Variants in MYLK2 observed in about 807,000 individuals in gnomAD.
MYLK2 encodes the protein myosin light chain kinase 2.
MYLK2 carries 27 observed loss-of-function variants against 58.2 expected under a neutral mutation model. The ratio of observed to expected loss-of-function variants is 0.46; its 90% CI spans 0.34 to 0.64. The LOEUF (loss-of-function observed/expected upper bound fraction) is 0.64, where lower values mean the gene tolerates loss of function less well. Among genes scored for constraint, MYLK2 ranks in the 30% least tolerant of loss-of-function variants. The pLI is 0.01. For synonymous variants in MYLK2, 310 were observed against 296.7 expected (o/e 1.04, Z -0.46); for missense variants, 676 against 764.3 (o/e 0.88, Z 1.36).
rs199854237 is a variant in MYLK2, at chr20:31,820,430, C to A, written c.357C>A (p.Gly119=). 8.1e-6 allele frequency: 13 copies of A among 1,612,806 alleles called. No individual in the cohort carries two copies. The Admixed American group carries it at 2.2e-4, about 27-fold the overall frequency. Residue 119 remains glycine, a synonymous_variant, in exon 3 of 13, where the codon GGC becomes GGA. Transcript: ENST00000375985. ...KKPKAEQGAS[G]SQDPGKPRVG... is the part of the protein sequence containing the mutation. ...CCAAGGCTGAGCAGGGAGCCTCAGG[C>A]AGCCAGGATCCTGGAAAGCCCAGGG...
intron 8 of MYLK2, chr20:31,828,749 G>C: frequency 3.1e-6 from 3 of 983,352 alleles, no homozygotes; most frequent in Non-Finnish European, 3.6e-6. Context: ...CTGAGTGAGG[G>C]TGCCATCTTC....
chr20:31,828,936 G>A (rs2062292706), intron 8 of MYLK2, among the ~76,000 whole-genome samples: 1 of 152,200 alleles, frequency 6.6e-6, no homozygotes, highest in Non-Finnish European at 1.5e-5. Context: ...GGCAGTGGGA[G>A]AGGGGAGGGA....
intron 4 of MYLK2, among the ~76,000 whole-genome samples, chr20:31,822,870 C>T: frequency 6.6e-6 from 1 of 152,190 alleles, no homozygotes; most frequent in Non-Finnish European, 1.5e-5. Flanking sequence ...TGATTTATCA[C>T]CAGCCCGGCT....
At chr20:31,827,547 C>T in intron 8 of MYLK2, 1 of 985,262 alleles carries the variant, frequency 1.0e-6, no homozygotes, top group Non-Finnish European at 1.2e-6. Context: ...GAGATAGAGT[C>T]TCACTCTGTT....
chr20:31,825,497 G>A (rs1283412841), intron 6 of MYLK2, among the ~76,000 whole-genome samples: 1 of 152,134 alleles, frequency 6.6e-6, no homozygotes, highest in Admixed American at 6.5e-5. Context: ...ACAGTGGAGG[G>A]AGAGACAACT....
chr20:31,831,783 A>T lies in MYLK2; in HGVS notation c.1505A>T (p.Asp502Val). The T allele has an allele frequency of 6.2e-7, 1 of 1,614,120 alleles. No homozygotes were observed. Among genetic ancestry groups the T allele is most frequent in the South Asian group, 1.1e-5 (1 of 91,072 alleles). Residue 502 changes from aspartate (D) to valine (V), a missense_variant, in exon 11 of 13, where the codon GAT (aspartate) becomes GTT (valine). By Grantham distance (152) the Asp-to-Val change is radical. Transcript: ENST00000375985. ...NNVLSGNWYFDEETFEAVSDE... is the reference protein window; with the variant it reads ...NNVLSGNWYFVEETFEAVSDE... ...GTTCTATCTGGCAACTGGTACTTTGATGAAGAGACCTTTGAGGCCGTATCA... is the reference window on the plus strand; with the variant it reads ...GTTCTATCTGGCAACTGGTACTTTGTTGAAGAGACCTTTGAGGCCGTATCA...
In MYLK2 at chr20:31,819,516, C is replaced by T. The variant is rs1402154177; in HGVS notation, c.-48-17C>T. ...GGAAATTGGACAGCCTGACACACTCCACTCTTGTTTCTGCAGCTAGAAAGA... is the reference window on the plus strand; with the variant it reads ...GGAAATTGGACAGCCTGACACACTCTACTCTTGTTTCTGCAGCTAGAAAGA... On this transcript the variant is annotated splice_polypyrimidine_tract_variant and intron_variant, in intron 1 of 12. Transcript: ENST00000375985. 3.2e-6 allele frequency: 5 copies of T among 1,545,564 alleles called. No homozygotes were observed. The highest frequency in any genetic ancestry group is 4.4e-6 in the Non-Finnish European group (5 of 1,141,970).
chr20:31,820,483 C>G lies in MYLK2; in HGVS notation c.410C>G (p.Ala137Gly), dbSNP rs1394215124. 6.2e-7 allele frequency: 1 copy of G among 1,609,202 alleles called. No homozygotes were observed. The highest frequency in any genetic ancestry group is 1.7e-5 in the Admixed American group (1 of 60,034). Reference sequence around the variant, plus strand: ...GGCAAGAAGGCAGCAGAGGGCCAAGCAGCAGCCAGGAGGGGCTCACCTGCC... The same window carrying G: ...GGCAAGAAGGCAGCAGAGGGCCAAGGAGCAGCCAGGAGGGGCTCACCTGCC... The part of the protein sequence containing the change: ...RVGKKAAEGQ[A>G]AARRGSPAFL... The change falls in exon 3 of 13, where the codon GCA becomes GGA. Residue 137 changes from alanine to glycine, a missense_variant. Ala to Gly is a moderately conservative substitution (Grantham distance 60, BLOSUM62 0). Coordinates refer to ENST00000375985, the MANE Select transcript of MYLK2 (RefSeq NM_033118.4).
At chr20:31,823,438 C>T in intron 4 of MYLK2, 39 bp from the exon 5 acceptor site, 1 of 1,579,184 alleles carries the variant, frequency 6.3e-7, no homozygotes, top group Non-Finnish European at 8.7e-7. Context: ...CCTCAGCAGC[C>T]CCTGGCACTG....
chr20:31,827,255 G>A (rs1042121947), intron 8 of MYLK2: 2 of 985,350 alleles, frequency 2.0e-6, no homozygotes, highest in African/African-American at 3.5e-5. Context: ...ACACAGACAA[G>A]TGGCTAATAA....
chr20:31,823,014 C>A (rs374690818), intron 4 of MYLK2, among the ~76,000 whole-genome samples: 1 of 152,052 alleles, frequency 6.6e-6, no homozygotes, highest in South Asian at 2.1e-4. Context: ...ACAGCACGGT[C>A]CCCGGTCCCG....
intron 3 of MYLK2, among the ~76,000 whole-genome samples, chr20:31,821,104 A>G (rs1488356865): frequency 2.0e-5 from 3 of 152,012 alleles, no homozygotes; most frequent in African/African-American, 4.8e-5. Context: ...AAGCCACAAT[A>G]AGAACATTTA....
At chr20:31,832,561 C>T (rs1230604894) in intron 12 of MYLK2, among the ~76,000 whole-genome samples, 4 of 152,180 alleles carry the variant, frequency 2.6e-5, no homozygotes, top group South Asian at 2.1e-4. Flanking sequence ...GGCGTGATCT[C>T]GGCCCACTGC....
chr20:31,830,812 T>C lies in MYLK2; in HGVS notation c.1225-7T>C. The C allele has an allele frequency of 6.2e-7, 1 of 1,606,760 alleles. No homozygotes were observed. Among genetic ancestry groups the C allele is most frequent in the Non-Finnish European group, 8.5e-7 (1 of 1,175,964 alleles). On this transcript the variant is annotated splice_polypyrimidine_tract_variant and splice_region_variant and intron_variant, in intron 8 of 12. Coordinates refer to ENST00000375985, the MANE Select transcript of MYLK2 (RefSeq NM_033118.4). ...AGGCCCACCCAGGCCACCCCCTTTC[T>C]CCTCAGCCAGAGAACATCCTGTGTG...
chr20:31,826,920 T>G lies in MYLK2; in HGVS notation c.1206T>G (p.Val402=). ...TCCTCTTCATGCACAAGATGAGGGT[T>G]TTGCACCTGGACCTCAAGGTACCAG... ...DGILFMHKMR[V]LHLDLKPENI... is the part of the protein sequence containing the mutation. The change falls in exon 8 of 13, where the codon GTT becomes GTG. Residue 402 remains valine (V), a synonymous_variant. Coordinates refer to ENST00000375985, the MANE Select transcript of MYLK2 (RefSeq NM_033118.4). 1 of 1,613,928 alleles carries G rather than the reference T, an allele frequency of 6.2e-7. No homozygotes were observed. Among genetic ancestry groups the G allele is most frequent in the Non-Finnish European group, 8.5e-7 (1 of 1,179,972 alleles).
chr20:31,820,690 G>A (rs932526952), intron 3 of MYLK2, 144 bp downstream of exon 3: 41 of 1,084,952 alleles, frequency 3.8e-5, no homozygotes, highest in East Asian at 3.1e-4. Flanking sequence ...TCTGTCCTGT[G>A]AATTGCCTCT....
chr20:31,832,248 G>A, intron 12 of MYLK2, 112 bp downstream of exon 12: 2 of 1,447,052 alleles, frequency 1.4e-6, no homozygotes, highest in South Asian at 1.2e-5. Context: ...ACCAGGCTGG[G>A]CCCTGTCCGG....
At chr20:31,824,053 A>G in intron 5 of MYLK2, 1 of 985,438 alleles carries the variant, frequency 1.0e-6, no homozygotes, top group Non-Finnish European at 1.2e-6. Context: ...TGTGTGGTTC[A>G]AAGAACCTGC....
chr20:31,830,752 C>T (rs1323022158), intron 8 of MYLK2, 67 bp from the exon 9 acceptor site: 32 of 1,541,740 alleles, frequency 2.1e-5, no homozygotes, highest in Middle Eastern at 2.1e-4. Flanking sequence ...GGGGTTTGCA[C>T]GGGCCTGGTG....
Sources: allele counts gnomAD v4.1 joint callset (sites outside exome capture counted in the v4.1 genomes callset), GRCh38; gene constraint gnomAD v4.1.1; transcripts MANE v1.5; gene names NCBI Gene and HGNC (gene_info 2026-07-23, HGNC 2026-07-21).